PREX1: variants seen among roughly 807,000 people sequenced by gnomAD.
PREX1 encodes phosphatidylinositol 3,4,5-trisphosphate-dependent Rac exchanger 1 protein.
Under a neutral mutation model 198.3 loss-of-function variants are expected in PREX1, and 41 were observed. The observed-to-expected ratio is 0.21, with a 90% CI of 0.16 to 0.27. The LOEUF is 0.27. Among genes scored for constraint, PREX1 ranks in the 10% least tolerant of loss-of-function variants. The pLI, the probability that PREX1 is intolerant of heterozygous loss-of-function variation, is 1.00. For synonymous variants in PREX1, 843 were observed against 887.2 expected, an observed-to-expected ratio of 0.95 and a Z score of 0.89; for missense variants, 1,620 against 2,200.7, an observed-to-expected ratio of 0.74 and a Z score of 5.28.
At chr20:48,799,030 C>T (rs149314494) in intron 1 of PREX1, among the ~76,000 whole-genome samples, 3 of 152,198 alleles carry the variant, frequency 2.0e-5, no homozygotes, top group African/African-American at 7.2e-5. Context: ...ATTACAGGCA[C>T]GCGCCACCAC....
chr20:48,636,208 G>C (rs1464258539), intron 32 of PREX1, among the ~76,000 whole-genome samples: 3 of 152,252 alleles, frequency 2.0e-5, no homozygotes, highest in Admixed American at 6.5e-5. Flanking sequence ...CTGTAGCATG[G>C]ATTCTGTTAT....
chr20:48,806,376 C>T (rs1342380252), intron 1 of PREX1, among the ~76,000 whole-genome samples: 1 of 152,152 alleles, frequency 6.6e-6, no homozygotes, highest in African/African-American at 2.4e-5. Flanking sequence ...GTTTATGTGA[C>T]CCAATATTAC....
At chr20:48,815,317 C>A (rs911986952) in intron 1 of PREX1, among the ~76,000 whole-genome samples, 1 of 152,220 alleles carries the variant, frequency 6.6e-6, no homozygotes, top group African/African-American at 2.4e-5. Context: ...CTGCACCCAA[C>A]GACAGCAGAA....
the PREX1 span, among the ~76,000 whole-genome samples, chr20:48,864,839 G>A: frequency 6.6e-6 from 1 of 152,242 alleles, no homozygotes; most frequent in African/African-American, 2.4e-5. Context: ...GGACCAGGGG[G>A]AAGGGCTTGG....
chr20:48,687,963 G>A (rs901117619), intron 10 of PREX1, among the ~76,000 whole-genome samples: 3 of 152,202 alleles, frequency 2.0e-5, no homozygotes, highest in Non-Finnish European at 2.9e-5. Context: ...AGGAAGAGAC[G>A]CCTCACCAGA....
chr20:48,797,263 A>G (rs2090367092), intron 1 of PREX1, among the ~76,000 whole-genome samples: 1 of 151,912 alleles, frequency 6.6e-6, no homozygotes, highest in South Asian at 2.1e-4. Flanking sequence ...GAAAAAAGCC[A>G]AATGGGAATC....
intron 15 of PREX1, among the ~76,000 whole-genome samples, chr20:48,661,877 A>G (rs1026309783): frequency 2.6e-5 from 4 of 152,058 alleles, no homozygotes; most frequent in Admixed American, 6.6e-5. Context: ...GGCCTGTTAG[A>G]TGAGGCAGGG....
the PREX1 span, among the ~76,000 whole-genome samples, chr20:48,855,957 G>A: frequency 6.6e-6 from 1 of 152,190 alleles, no homozygotes; most frequent in Non-Finnish European, 1.5e-5. Flanking sequence ...TTCAAAAAAT[G>A]CCATGAAGAA....
chr20:48,668,249 G>C (rs566607218), intron 14 of PREX1, among the ~76,000 whole-genome samples: 5 of 152,270 alleles, frequency 3.3e-5, no homozygotes, highest in African/African-American at 1.2e-4. Flanking sequence ...AGCTTGGAGC[G>C]CAGAGGAACC....
chr20:48,651,244 T>C (rs1395060893), intron 22 of PREX1, 152 bp downstream of exon 22: 11 of 1,291,276 alleles, frequency 8.5e-6, no homozygotes, highest in Non-Finnish European at 1.1e-5. Context: ...CGCTACCTAG[T>C]GGTGGGACAA....
chr20:48,658,843 A>G (rs1568807984), intron 16 of PREX1, among the ~76,000 whole-genome samples: 1 of 152,084 alleles, frequency 6.6e-6, no homozygotes, highest in African/African-American at 2.4e-5. Flanking sequence ...GAAAAACAAA[A>G]CTTCATAAAG....
At chr20:48,772,385 G>A (rs1698327554) in intron 1 of PREX1, among the ~76,000 whole-genome samples, 1 of 152,176 alleles carries the variant, frequency 6.6e-6, no homozygotes, top group African/African-American at 2.4e-5. Flanking sequence ...CCTGTTTCTG[G>A]TGAATCAGGC....
At chr20:48,807,265 T>C (rs2090415879) in intron 1 of PREX1, among the ~76,000 whole-genome samples, 1 of 152,208 alleles carries the variant, frequency 6.6e-6, no homozygotes, top group African/African-American at 2.4e-5. Context: ...GCAGTATCTT[T>C]CTCCACACTC....
At chr20:48,835,961 T>G in the PREX1 span, among the ~76,000 whole-genome samples, 1 of 152,182 alleles carries the variant, frequency 6.6e-6, no homozygotes. Flanking sequence ...TGATTCTGGA[T>G]ATGCTCTAAA....
At position 48,827,065 on chromosome 20, in the gene PREX1, G is replaced by C. The variant is rs183037861; in HGVS notation, c.219+577C>G. ...GGGGTGGATGCAGTTAGGGAGCCTG[G>C]ACTGCCGAGTTTTGAGTTCGAAACC... On this transcript the variant is annotated intron_variant, in intron 1 of 39. Transcript: ENST00000371941. The surrounding 1 kb of genome is among the most constrained non-coding windows in gnomAD (Gnocchi z 4.1). Among the ~76,000 whole-genome samples the C allele has an allele frequency of 8.3e-4, 126 of 152,240 alleles. No homozygotes were observed. Among genetic ancestry groups the C allele is most frequent in the Non-Finnish European group, 1.2e-3 (83 of 68,010 alleles).
At chr20:48,679,806 C>A (rs905932895) in intron 11 of PREX1, 52 bp from the exon 12 acceptor site, 4 of 1,420,552 alleles carry the variant, frequency 2.8e-6, no homozygotes, top group Non-Finnish European at 4.0e-6. Context: ...CAGCCCCTCC[C>A]AGCCACGCCC....
chr20:48,793,593 G>A (rs1568866278), intron 1 of PREX1, among the ~76,000 whole-genome samples: 1 of 152,208 alleles, frequency 6.6e-6, no homozygotes, highest in South Asian at 2.1e-4. Context: ...GGGGGAGAGG[G>A]TTACGTGATT....
In PREX1 at chr20:48,625,013, C is replaced by T. The variant is rs184356927; in HGVS notation, c.*872G>A. ...AACCCTAATATTAACAAACAGGAAACAATGACATTTTTTAATTTTTCAATA... is the reference window on the plus strand; with the variant it reads ...AACCCTAATATTAACAAACAGGAAATAATGACATTTTTTAATTTTTCAATA... On this transcript the variant is annotated 3_prime_UTR_variant, in exon 40 of 40. Transcript: ENST00000371941. 51 of 152,662 alleles carry T rather than the reference C, an allele frequency of 3.3e-4. No individual in the cohort carries two copies. The highest frequency in any genetic ancestry group is 1.2e-3 in the African/African-American group (51 of 41,554). The allele number at this position is 152,662 out of a possible 1,614,324, so 9.5% of individuals were successfully genotyped here. A position where few individuals can be genotyped will look rare whatever the true frequency, so the allele number is the denominator to read the frequency against.
At chr20:48,749,612 C>T (rs963540182) in intron 1 of PREX1, among the ~76,000 whole-genome samples, 2 of 152,194 alleles carry the variant, frequency 1.3e-5, no homozygotes, top group Admixed American at 6.5e-5. Flanking sequence ...TGCCTGCCCC[C>T]GGGAGCCCGG....
Sources: allele counts gnomAD v4.1 joint callset (sites outside exome capture counted in the v4.1 genomes callset), GRCh38; gene constraint gnomAD v4.1.1; non-coding constraint Gnocchi (gnomAD v3.1); transcripts MANE v1.5; gene names NCBI Gene and HGNC (gene_info 2026-07-23, HGNC 2026-07-21).